The following CNTN4 variants were observed in gnomAD, a reference collection of about 807,000 sequenced individuals.
CNTN4 encodes contactin 4.
In CNTN4, 77 loss-of-function variants were observed where a neutral mutation model predicts 122.5. The observed-to-expected ratio is 0.63, with a 90% CI of 0.52 to 0.76. The LOEUF (loss-of-function observed/expected upper bound fraction) is 0.76. CNTN4 is among the 30% of genes least tolerant of loss of function. CNTN4 has a pLI of 0.00. For synonymous variants in CNTN4, 512 were observed against 447.0 expected (o/e 1.15, Z -1.83); for missense variants, 1,256 against 1,259.1 (o/e 1.00, Z 0.04).
intron 2 of CNTN4, among the ~76,000 whole-genome samples, chr3:2,234,652 A>G (rs1292060418): frequency 6.6e-6 from 1 of 152,308 alleles, no homozygotes; most frequent in East Asian, 1.9e-4. Flanking sequence ...AGCATGAGGC[A>G]GATGCATTGT....
Position 2,275,132 on chromosome 3 carries a change from G to A in CNTN4, c.-144-64046G>A, listed in dbSNP as rs190952364. 3.9e-5 allele frequency among the ~76,000 whole-genome samples: 6 copies of A among 152,294 alleles called. No individual in the cohort carries two copies. The East Asian group carries it at 1.2e-3, about 29-fold the overall frequency. The stretch of plus-strand genomic sequence containing the variant: ...TATGTGTCCATCATCTACGTTGCCT[G>A]TTTATCAGAGTCTGTCACTATAATG... On this transcript the variant is annotated intron_variant, in intron 2 of 24. Transcript: ENST00000418658.
intron 8 of CNTN4, among the ~76,000 whole-genome samples, chr3:2,872,902 C>G (rs932485585): frequency 6.6e-6 from 1 of 152,050 alleles, no homozygotes; most frequent in Admixed American, 6.6e-5. Context: ...AACTGAAATA[C>G]CTGACCATGT....
At chr3:2,281,380 T>G (rs1017722019) in intron 2 of CNTN4, among the ~76,000 whole-genome samples, 2 of 152,096 alleles carry the variant, frequency 1.3e-5, no homozygotes, top group Non-Finnish European at 2.9e-5. Flanking sequence ...ACCACAACTA[T>G]TATGCTTGTT....
chr3:2,623,053 G>A (rs1384905178), intron 4 of CNTN4, among the ~76,000 whole-genome samples: 1 of 152,224 alleles, frequency 6.6e-6, no homozygotes, highest in Non-Finnish European at 1.5e-5. Flanking sequence ...TCCATGCTGT[G>A]TTGTGGGGGC....
At chr3:3,028,786 C>T (rs1193840909) in intron 15 of CNTN4, among the ~76,000 whole-genome samples, 1 of 152,126 alleles carries the variant, frequency 6.6e-6, no homozygotes, top group Non-Finnish European at 1.5e-5. Flanking sequence ...AATCATTTAT[C>T]GGGTACTTTC....
At chr3:2,195,211 A>C (rs1189160368) in intron 2 of CNTN4, among the ~76,000 whole-genome samples, 1 of 152,238 alleles carries the variant, frequency 6.6e-6, no homozygotes, top group African/African-American at 2.4e-5. Flanking sequence ...ACTTAGCATG[A>C]CATCCTCCAG....
At chr3:2,223,840 A>C (rs191798569) in intron 2 of CNTN4, among the ~76,000 whole-genome samples, 1 of 152,126 alleles carries the variant, frequency 6.6e-6, no homozygotes, top group African/African-American at 2.4e-5. Context: ...CCCTAATTAC[A>C]TATGTAAGTG....
chr3:3,050,080 G>T (rs1434545019), intron 23 of CNTN4, among the ~76,000 whole-genome samples: 1 of 152,160 alleles, frequency 6.6e-6, no homozygotes, highest in East Asian at 1.9e-4. Context: ...AATTCCATCT[G>T]TGAGGGTGAG....
intron 5 of CNTN4, among the ~76,000 whole-genome samples, chr3:2,744,688 A>G (rs2089658944): frequency 6.6e-6 from 1 of 152,204 alleles, no homozygotes. Flanking sequence ...TGGTCAAGAG[A>G]AGCTCTCACT....
At position 2,920,950 on chromosome 3, in the gene CNTN4, G is replaced by GATATTA. The variant is rs2094423585; in HGVS notation, c.1208-4679_1208-4678insATATTA. Among the ~76,000 whole-genome samples the GATATTA allele has an allele frequency of 2.0e-5, 3 of 152,244 alleles. No homozygotes were observed. The East Asian group carries it at 5.8e-4, about 29-fold the overall frequency. On this transcript the variant is annotated intron_variant, in intron 12 of 24. Coordinates refer to ENST00000418658, the MANE Select transcript of CNTN4 (RefSeq NM_175607.3). ...GATGGATATTAGGAACACTAGAAGG[G>GATATTA]GCACATCATGCTAACATCAAAATGG...
chr3:2,707,744 A>G (rs896621198), intron 4 of CNTN4, among the ~76,000 whole-genome samples: 3 of 152,120 alleles, frequency 2.0e-5, no homozygotes, highest in Non-Finnish European at 4.4e-5. Context: ...CTTGGGCTCA[A>G]GTGATCCTCC....
intron 2 of CNTN4, among the ~76,000 whole-genome samples, chr3:2,218,866 A>T (rs1383668755): frequency 6.6e-6 from 1 of 152,190 alleles, no homozygotes; most frequent in Non-Finnish European, 1.5e-5. Flanking sequence ...TTTGCTTATC[A>T]GTTAGGACTA....
intron 13 of CNTN4, among the ~76,000 whole-genome samples, chr3:2,957,532 C>T (rs1344622408): frequency 6.6e-6 from 1 of 151,998 alleles, no homozygotes; most frequent in Non-Finnish European, 1.5e-5. Context: ...CTACAGATGA[C>T]CCCGTCACGC....
chr3:2,850,900 A>G lies in CNTN4; in HGVS notation c.455-15852A>G, dbSNP rs1240485379. Among the ~76,000 whole-genome samples the G allele has an allele frequency of 4.6e-5, 7 of 152,172 alleles. No individual in the cohort carries two copies. The East Asian group carries it at 1.2e-3, about 25-fold the overall frequency. On this transcript the variant is annotated intron_variant, in intron 7 of 24. Coordinates refer to ENST00000418658, the MANE Select transcript of CNTN4 (RefSeq NM_175607.3). ...GTTTCAATCTCCTTGATGTGTTGGA[A>G]TAATCATTAATGTTTACAGTTGCTG...
intron 4 of CNTN4, among the ~76,000 whole-genome samples, chr3:2,653,811 T>C (rs2083464238): frequency 6.6e-6 from 1 of 152,230 alleles, no homozygotes; most frequent in East Asian, 1.9e-4. Context: ...GAATTTCTAA[T>C]TGTTTTGCAG....
At chr3:2,346,154 C>T (rs2044391114) in intron 3 of CNTN4, among the ~76,000 whole-genome samples, 1 of 152,048 alleles carries the variant, frequency 6.6e-6, no homozygotes, top group South Asian at 2.1e-4. Flanking sequence ...AATGCTTTTC[C>T]ACCTTCTTCT....
At chr3:2,264,156 G>C (rs745423108) in intron 2 of CNTN4, among the ~76,000 whole-genome samples, 1 of 152,116 alleles carries the variant, frequency 6.6e-6, no homozygotes, top group Non-Finnish European at 1.5e-5. Flanking sequence ...GGATCATATG[G>C]TAATTCTATT....
intron 6 of CNTN4, among the ~76,000 whole-genome samples, chr3:2,767,684 C>T (rs1236312061): frequency 1.3e-5 from 2 of 152,186 alleles, no homozygotes; most frequent in Admixed American, 1.3e-4. Context: ...TAATCCCAAA[C>T]AGTGAATTCT....
chr3:2,604,024 T>C (rs1479786156), intron 4 of CNTN4, among the ~76,000 whole-genome samples: 1 of 151,850 alleles, frequency 6.6e-6, no homozygotes, highest in African/African-American at 2.4e-5. Flanking sequence ...CCGTGGAGAG[T>C]GGAAAGGGAA....
Sources: gnomAD v4.1 joint callset for allele counts (sites outside exome capture counted in the v4.1 genomes callset) on GRCh38, gnomAD v4.1.1 for gene constraint, MANE v1.5 for transcripts, NCBI Gene and HGNC (gene_info 2026-07-23, HGNC 2026-07-21) for gene names.